Variants in AMPH observed in about 807,000 individuals in gnomAD.
The protein encoded by AMPH is amphiphysin (Stiff-Mann syndrome with breast cancer 128kD autoantigen).
A neutral mutation model predicts 99.1 loss-of-function variants in AMPH; 49 were observed. The observed-to-expected ratio is 0.49, with a 90% CI of 0.39 to 0.63. AMPH has a LOEUF of 0.63. Ranked by LOEUF, AMPH falls within the 20% of genes least tolerant of loss-of-function variation. AMPH has a pLI of 0.00. For synonymous variants in AMPH, 314 were observed against 317.3 expected (o/e 0.99, Z 0.11); for missense variants, 759 against 863.4 (o/e 0.88, Z 1.52).
chr7:38,460,449 T>C (rs74501123), intron 11 of AMPH, among the ~76,000 whole-genome samples: 25,838 of 152,182 alleles, frequency 0.17, 2,585 homozygotes, highest in East Asian at 0.37. Context: ...TAAGTGTCCA[T>C]TGATGGGCAA....
intron 7 of AMPH, among the ~76,000 whole-genome samples, chr7:38,467,630 C>G (rs1787709054): frequency 9.1e-6 from 1 of 109,690 alleles, no homozygotes; most frequent in South Asian, 3.6e-4. Context: ...TTTATACTTA[C>G]AATGGAAATA....
intron 7 of AMPH, among the ~76,000 whole-genome samples, chr7:38,471,896 A>T (rs1416861441): frequency 6.6e-6 from 1 of 152,182 alleles, no homozygotes; most frequent in East Asian, 1.9e-4. Flanking sequence ...ACAGTTTATA[A>T]AGAAAAAACA....
In AMPH at chr7:38,503,499, G is replaced by GC. The variant is rs1319618630; in HGVS notation, c.205+150_205+151insG. 2.1e-4 allele frequency: 116 copies of GC among 546,692 alleles called. 6 individuals are homozygous for GC. The highest frequency in any genetic ancestry group is 1.8e-3 in the East Asian group (56 of 31,582). 33.9% of individuals were successfully genotyped at this position (546,692 alleles called of 1,614,324 possible). The stretch of plus-strand genomic sequence containing the variant: ...CATTTCAATGGGAATTTGGGGCGGG[G>GC]GGGTGGGTGGTGGAATGGAACACCT... On this transcript the variant is annotated intron_variant, in intron 3 of 20. Transcript: ENST00000356264.
At chr7:38,403,990 G>C (rs1157543766) in intron 17 of AMPH, among the ~76,000 whole-genome samples, 4 of 152,198 alleles carry the variant, frequency 2.6e-5, no homozygotes, top group Admixed American at 1.3e-4. Context: ...GGTGGCAACA[G>C]AGGACAGACA....
chr7:38,491,885 C>A (rs1788731668), intron 4 of AMPH, among the ~76,000 whole-genome samples: 1 of 152,190 alleles, frequency 6.6e-6, no homozygotes, highest in Admixed American at 6.5e-5. Context: ...ACTATCACAC[C>A]AGGCTGCCTC....
intron 2 of AMPH, among the ~76,000 whole-genome samples, chr7:38,526,736 A>G (rs1326637078): frequency 6.6e-6 from 1 of 152,034 alleles, no homozygotes; most frequent in Non-Finnish European, 1.5e-5. Flanking sequence ...CATTCTCTTA[A>G]CAGCTCTTTT....
chr7:38,576,988 T>A (rs1792269608), intron 1 of AMPH, among the ~76,000 whole-genome samples: 2 of 152,162 alleles, frequency 1.3e-5, no homozygotes, highest in Admixed American at 1.3e-4. Flanking sequence ...TGATAGCTAG[T>A]AGTGATTATT....
At chr7:38,624,750 G>A (rs1794187330) in intron 1 of AMPH, among the ~76,000 whole-genome samples, 1 of 151,966 alleles carries the variant, frequency 6.6e-6, no homozygotes, top group Non-Finnish European at 1.5e-5. Context: ...GTTAAACATG[G>A]CAGGCTGACT....
intron 16 of AMPH, among the ~76,000 whole-genome samples, chr7:38,422,089 A>G (rs1391992514): frequency 1.3e-5 from 2 of 152,320 alleles, no homozygotes; most frequent in East Asian, 3.9e-4. Flanking sequence ...TTGAAGCATG[A>G]ATTCTTGAGA....
rs1418044187 is a variant in AMPH, at chr7:38,610,254, A to G, written c.69+21029T>C. Among the ~76,000 whole-genome samples the G allele has an allele frequency of 1.1e-3, 36 of 33,326 alleles. 3 individuals are homozygous for G. The highest frequency in any genetic ancestry group is 1.9e-3 in the Non-Finnish European group (33 of 17,056). The allele number at this position is 33,326 out of a possible 152,430, so 21.9% of individuals were successfully genotyped here. ...TCTCTCAAAAAAAAAAAAAAAAAAAAAAAAAAAAAGAAAGAAAGAAAGAAA... is the reference window on the plus strand; with the variant it reads ...TCTCTCAAAAAAAAAAAAAAAAAAAGAAAAAAAAAGAAAGAAAGAAAGAAA... On this transcript the variant is annotated intron_variant, in intron 1 of 20. Transcript: ENST00000356264.
intron 11 of AMPH, among the ~76,000 whole-genome samples, chr7:38,443,979 C>T (rs1294001314): frequency 2.6e-5 from 4 of 151,878 alleles, no homozygotes; most frequent in Non-Finnish European, 5.9e-5. Flanking sequence ...ACTAATAATT[C>T]AGTTTAGCAA....
intron 15 of AMPH, among the ~76,000 whole-genome samples, chr7:38,425,832 T>C (rs1267035513): frequency 6.6e-6 from 1 of 151,772 alleles, no homozygotes; most frequent in Non-Finnish European, 1.5e-5. Flanking sequence ...ATGAAGGGAG[T>C]GTATGGTGGT....
chr7:38,461,329 A>G lies in AMPH; in HGVS notation c.971T>C (p.Phe324Ser), dbSNP rs752832834. 6 of 1,613,990 alleles carry G rather than the reference A, an allele frequency of 3.7e-6. No individual in the cohort carries two copies. Among genetic ancestry groups the G allele is most frequent in the Admixed American group, 3.3e-5 (2 of 60,008 alleles). Residue 324 changes from phenylalanine (F) to serine (S), a missense_variant, in exon 11 of 21, where the codon TTT (phenylalanine) becomes TCT (serine). By Grantham distance (155) the Phe-to-Ser change is radical. Around this residue, in one of 2 missense-constraint regions of AMPH, gnomAD observed 554 missense variants for 575.6 expected, o/e 0.96. Coordinates refer to ENST00000356264, the MANE Select transcript of AMPH (RefSeq NM_001635.4). Reference protein sequence around the residue: ...ELQQENIISFFEDNFVPEISV... With the variant: ...ELQQENIISFSEDNFVPEISV... ...GATTTCTGGAACAAAGTTGTCCTCAAAGAAACTGATGATGTTCTCCTGCTG... is the reference window on the plus strand; with the variant it reads ...GATTTCTGGAACAAAGTTGTCCTCAGAGAAACTGATGATGTTCTCCTGCTG...
At chr7:38,544,857 G>C (rs868262911) in intron 1 of AMPH, among the ~76,000 whole-genome samples, 4 of 152,278 alleles carry the variant, frequency 2.6e-5, no homozygotes, top group South Asian at 4.2e-4. Context: ...ACTTTAAGTT[G>C]CAATATCAAA....
At chr7:38,630,894 C>A (rs1316183938) in intron 1 of AMPH, among the ~76,000 whole-genome samples, 1 of 151,248 alleles carries the variant, frequency 6.6e-6, no homozygotes, top group Admixed American at 6.6e-5. Flanking sequence ...CGCTGGGAGC[C>A]GGCCCGGGGA....
Position 38,569,856 on chromosome 7 carries a change from T to C in AMPH, c.70-34845A>G, listed in dbSNP as rs996351613. ...ATGTATATGTTCTTTCTTATTAACA[T>C]AGAAATGGAAGCAATTTTCATAAAA... On this transcript the variant is annotated intron_variant, in intron 1 of 20. Transcript: ENST00000356264. Among the ~76,000 whole-genome samples the C allele has an allele frequency of 3.3e-5, 5 of 152,202 alleles. No homozygotes were observed. In the East Asian group the frequency reaches 5.8e-4, roughly 18 times the overall value.
chr7:38,616,923 G>C (rs1163200161), intron 1 of AMPH, among the ~76,000 whole-genome samples: 1 of 152,148 alleles, frequency 6.6e-6, no homozygotes, highest in Admixed American at 6.5e-5. Context: ...CTTCATCTGA[G>C]TAGCAGTAAC....
chr7:38,628,428 T>C (rs1794333840), intron 1 of AMPH, among the ~76,000 whole-genome samples: 1 of 152,128 alleles, frequency 6.6e-6, no homozygotes, highest in Non-Finnish European at 1.5e-5. Context: ...ATTAAAGAGG[T>C]GTGCAAACAT....
intron 12 of AMPH, among the ~76,000 whole-genome samples, chr7:38,435,443 A>C (rs1306778121): frequency 6.6e-6 from 1 of 152,210 alleles, no homozygotes; most frequent in Non-Finnish European, 1.5e-5. Context: ...ATTCATTTGA[A>C]GCATACTCTA....
Sources: allele counts gnomAD v4.1 joint callset (sites outside exome capture counted in the v4.1 genomes callset), GRCh38; gene constraint gnomAD v4.1.1; regional missense constraint gnomAD v4.1.1; transcripts MANE v1.5; gene names NCBI Gene and HGNC (gene_info 2026-07-23, HGNC 2026-07-21).